ADAMTS4: variants seen among roughly 807,000 people sequenced by gnomAD.
The protein encoded by ADAMTS4 is ADAM metallopeptidase with thrombospondin type 1 motif 4.
Under a neutral mutation model 66.7 loss-of-function variants are expected in ADAMTS4, and 38 were observed. The ratio of observed to expected loss-of-function variants is 0.57; its 90% confidence interval spans 0.44 to 0.75. ADAMTS4 has a LOEUF of 0.75. Among genes scored for constraint, ADAMTS4 ranks in the 30% least tolerant of loss-of-function variants. ADAMTS4 has a pLI of 0.00. For missense variants in ADAMTS4, 1,014 were observed against 1,116.7 expected (o/e 0.91, Z 1.31); for synonymous variants, 418 against 461.5 (o/e 0.91, Z 1.21).
In ADAMTS4 at chr1:161,186,552, A is replaced by C. The variant is rs1427594660; in HGVS notation, c.*4586T>G. ...GCGAAGGGCTTTCTCTTAAAATAAC[A>C]GGCAGAAAAGTGATTTAAAAGTGAA... On this transcript the variant is annotated 3_prime_UTR_variant, in exon 9 of 9. Transcript: ENST00000367996. 1 of 151,758 alleles carries C rather than the reference A, an allele frequency of 6.6e-6. No homozygotes were observed. The highest frequency in any genetic ancestry group is 1.5e-5 in the Non-Finnish European group (1 of 67,910). 9.4% of individuals were successfully genotyped at this position (151,758 alleles called of 1,614,324 possible).
rs898632745 is a variant in ADAMTS4, at chr1:161,192,136, A to T, written c.2016T>A (p.Phe672Leu). ...CDRIIGSKKK[F>L]DKCMVCGGDG... ...CCCCTCCGCACACCATGCACTTGTC[A>T]AACTTCTTCTTGGAGCCAATGATGC... Residue 672 changes from phenylalanine (F) to leucine (L), a missense_variant, in exon 8 of 9, where the codon TTT becomes TTA. Coordinates refer to ENST00000367996, the MANE Select transcript of ADAMTS4 (RefSeq NM_005099.6). 5 of 1,614,012 alleles carry T rather than the reference A, an allele frequency of 3.1e-6. No homozygotes were observed. The African/African-American group carries it at 6.7e-5, about 22-fold the overall frequency.
intron 3 of ADAMTS4, 165 bp from the exon 4 acceptor site, chr1:161,195,800 C>T: frequency 3.1e-6 from 2 of 650,506 alleles, no homozygotes; most frequent in South Asian, 2.3e-5. Flanking sequence ...AGTATGTAGC[C>T]CCGTCTCTTT....
chr1:161,193,203 T>G lies in ADAMTS4; in HGVS notation c.1911+10A>C. 5.0e-6 allele frequency: 8 copies of G among 1,610,024 alleles called. No homozygotes were observed. Among genetic ancestry groups the G allele is most frequent in the Non-Finnish European group, 6.8e-6 (8 of 1,177,838 alleles). On this transcript the variant is annotated intron_variant, in intron 7 of 8. Transcript: ENST00000367996. The surrounding 1 kb of genome is among the most constrained non-coding windows in gnomAD (Gnocchi z 4.4). ...CCATAGACAGGGCCTGGGGGTGTCC[T>G]GACCCTCACCCGTGGCTCCAGCACA...
chr1:161,187,213 C>G lies in ADAMTS4; in HGVS notation c.*3925G>C, dbSNP rs1664560056. On this transcript the variant is annotated 3_prime_UTR_variant, in exon 9 of 9. Transcript: ENST00000367996. ...GAGTGGGAGCAGTATACAACCTCCC[C>G]TGCCCAGAATGCAGTGTGAACCCCT... 6.6e-6 allele frequency: 1 copy of G among 152,202 alleles called. No homozygotes were observed. The highest frequency in any genetic ancestry group is 6.5e-5 in the Admixed American group (1 of 15,274). 9.4% of individuals were successfully genotyped at this position (152,202 alleles called of 1,614,324 possible). A position where few individuals can be genotyped will look rare whatever the true frequency, so the allele number is the denominator to read the frequency against.
chr1:161,198,109 A>C lies in ADAMTS4; in HGVS notation c.519T>G (p.Ala173=), dbSNP rs1403760668. 1 of 1,613,844 alleles carries C rather than the reference A, an allele frequency of 6.2e-7. No homozygotes were observed. Residue 173 remains alanine, a synonymous_variant, in exon 1 of 9, where the codon GCT becomes GCG. Coordinates refer to ENST00000367996, the MANE Select transcript of ADAMTS4 (RefSeq NM_005099.6). The surrounding 1 kb of genome is among the most constrained non-coding windows in gnomAD (Gnocchi z 4.7). ...GTAGGATGTGAGCCCCAGGTCCCCC[A>C]GCAGAGTTAGGGGTGCCTCCCTCCA... ...QPLEGGTPNS[A]GGPGAHILRR...
At position 161,191,419 on chromosome 1, in the gene ADAMTS4, T is replaced by A; in HGVS notation, c.2233A>T (p.Met745Leu). 1 of 1,614,128 alleles carries A rather than the reference T, an allele frequency of 6.2e-7. No individual in the cohort carries two copies. Among genetic ancestry groups the A allele is most frequent in the Non-Finnish European group, 8.5e-7 (1 of 1,180,028 alleles). ...AGTACCACATCTGTGGGGGAGGGCA[T>A]CAGCGTGTATTCACCATTGAGGGCA... ...SYALNGEYTL[M>L]PSPTDVVLPG... is the part of the protein sequence containing the mutation. Residue 745 changes from methionine to leucine, a missense_variant, in exon 9 of 9, where the codon ATG (methionine) becomes TTG (leucine). Transcript: ENST00000367996.
chr1:161,194,134 T>C lies in ADAMTS4; in HGVS notation c.1349A>G (p.Gln450Arg). ...GKDYDADRQC[Q>R]LTFGPDSRHC... ...GCGTGAGTCGGGCCCGAAGGTCAGC[T>C]GGCACTGGCGGTCAGCATCATAGTC... Residue 450 changes from glutamine (Q) to arginine (R), a missense_variant, in exon 5 of 9, where the codon CAG (glutamine) becomes CGG (arginine). Gln to Arg is a conservative substitution (Grantham distance 43). Coordinates refer to ENST00000367996, the MANE Select transcript of ADAMTS4 (RefSeq NM_005099.6). The surrounding 1 kb of genome is among the most constrained non-coding windows in gnomAD (Gnocchi z 4.1). 1 of 1,614,200 alleles carries C rather than the reference T, an allele frequency of 6.2e-7. No individual in the cohort carries two copies. Among genetic ancestry groups the C allele is most frequent in the Non-Finnish European group, 8.5e-7 (1 of 1,180,016 alleles).
chr1:161,198,687 C>A lies in ADAMTS4; in HGVS notation c.-60G>T. The A allele has an allele frequency of 7.1e-7, 1 of 1,412,476 alleles. No individual in the cohort carries two copies. Among genetic ancestry groups the A allele is most frequent in the Non-Finnish European group, 9.3e-7 (1 of 1,070,484 alleles). 87.5% of individuals were successfully genotyped at this position (1,412,476 alleles called of 1,614,324 possible). ...GTCTAGGGCACCAAGTCCTCCACAC[C>A]CTAGCTTTGGAAAGCTCCTCTCTGT... On this transcript the variant is annotated 5_prime_UTR_variant, in exon 1 of 9. Coordinates refer to ENST00000367996, the MANE Select transcript of ADAMTS4 (RefSeq NM_005099.6). This position sits in a 1 kb window ranked among gnomAD's most constrained non-coding sequence, Gnocchi z 4.7.
Position 161,193,365 on chromosome 1 carries a change from A to G in ADAMTS4, c.1759T>C (p.Cys587Arg), listed in dbSNP as rs1664728154. The change falls in exon 7 of 9, where the codon TGT (cysteine) becomes CGT (arginine). Residue 587 changes from cysteine to arginine, a missense_variant. By Grantham distance (180) the Cys-to-Arg change is radical. Transcript: ENST00000367996. The surrounding 1 kb of genome is among the most constrained non-coding windows in gnomAD (Gnocchi z 4.4). The part of the protein sequence containing the change: ...GSALTFREEQ[C>R]AAYNHRTDLF... ...TCGGTGCGGTGGTTGTAGGCAGCAC[A>G]CTGCTCCTCGCGGAAGGTCAGGGCT... 2 of 1,613,790 alleles carry G rather than the reference A, an allele frequency of 1.2e-6. No homozygotes were observed. The highest frequency in any genetic ancestry group is 1.7e-6 in the Non-Finnish European group (2 of 1,179,880).
chr1:161,195,840 AG>A (rs994532760), intron 3 of ADAMTS4: 18 of 590,302 alleles, frequency 3.0e-5, no homozygotes, highest in South Asian at 9.6e-5. Context: ...AAATATACTC[AG>A]GGTCCCTCCC....
Position 161,198,723 on chromosome 1 carries a change from C to A in ADAMTS4, c.-96G>T. The stretch of plus-strand genomic sequence containing the variant: ...AAAGCTCCTCTCTGTAGCCTGGGGG[C>A]TTGGACTCCTGCCAAGGTCAGAGGC... On this transcript the variant is annotated 5_prime_UTR_variant, in exon 1 of 9. Coordinates refer to ENST00000367996, the MANE Select transcript of ADAMTS4 (RefSeq NM_005099.6). This position sits in a 1 kb window ranked among gnomAD's most constrained non-coding sequence, Gnocchi z 4.7. The A allele has an allele frequency of 8.3e-7, 1 of 1,209,482 alleles. No individual in the cohort carries two copies. Among genetic ancestry groups the A allele is most frequent in the East Asian group, 2.6e-5 (1 of 38,708 alleles). 74.9% of individuals were successfully genotyped at this position (1,209,482 alleles called of 1,614,324 possible).
intron 3 of ADAMTS4, 108 bp downstream of exon 3, chr1:161,196,063 G>T: frequency 1.5e-6 from 2 of 1,372,508 alleles, no homozygotes; most frequent in Non-Finnish European, 2.0e-6. Context: ...CCTATACCTA[G>T]GCCTGGGGGA....
In ADAMTS4 at chr1:161,198,608, T is replaced by G; in HGVS notation, c.20A>C (p.His7Pro). 6.5e-7 allele frequency: 1 copy of G among 1,531,812 alleles called. No individual in the cohort carries two copies. The highest frequency in any genetic ancestry group is 8.8e-7 in the Non-Finnish European group (1 of 1,136,710). 94.9% of individuals were successfully genotyped at this position (1,531,812 alleles called of 1,614,324 possible). The change falls in exon 1 of 9, where the codon CAT becomes CCT. Residue 7 changes from histidine (H) to proline (P), a missense_variant. His to Pro is a moderately conservative substitution (Grantham distance 77). Transcript: ENST00000367996. The surrounding 1 kb of genome is among the most constrained non-coding windows in gnomAD (Gnocchi z 4.7). The part of the protein sequence containing the change: MSQTGS[H>P]PGRGLAGRWL... ...GCGCCCTGCCAAGCCCCTCCCGGGA[T>G]GCGAGCCTGTCTGGGACATGGCACT...
rs1011289310 is a variant in ADAMTS4, at chr1:161,188,610, C to T, written c.*2528G>A. 2 of 151,774 alleles carry T rather than the reference C, an allele frequency of 1.3e-5. No individual in the cohort carries two copies. Among genetic ancestry groups the T allele is most frequent in the Non-Finnish European group, 2.9e-5 (2 of 67,972 alleles). The allele number at this position is 151,774 out of a possible 1,614,324, so 9.4% of individuals were successfully genotyped here. ...GTTTTATTCCCTCCCTCTCCTCAGG[C>T]ATCAGGTATTCTGCCATTTTGAGGC... On this transcript the variant is annotated 3_prime_UTR_variant, in exon 9 of 9. Transcript: ENST00000367996.
chr1:161,195,630 C>T lies in ADAMTS4; in HGVS notation c.1096G>A (p.Val366Ile). ...AFTAAHELGH[V>I]FNMLHDNSKP... The stretch of plus-strand genomic sequence containing the variant: ...GAGTTGTCATGGAGCATGTTGAAGA[C>T]ATGACCTGTGGGAGCAAAGGCCCTG... The change falls in exon 4 of 9, where the codon GTC becomes ATC. Residue 366 changes from valine to isoleucine, a missense_variant. By Grantham distance (29) the Val-to-Ile change is conservative. Transcript: ENST00000367996. The T allele has an allele frequency of 6.2e-7, 1 of 1,610,938 alleles. No individual in the cohort carries two copies. Among genetic ancestry groups the T allele is most frequent in the Non-Finnish European group, 8.5e-7 (1 of 1,178,396 alleles).
intron 7 of ADAMTS4, among the ~76,000 whole-genome samples, chr1:161,192,488 T>C (rs1442636894): frequency 6.6e-6 from 1 of 151,972 alleles, no homozygotes; most frequent in Non-Finnish European, 1.5e-5. Flanking sequence ...ATGCTAAGTG[T>C]TTTATAAACA....
rs1023529985 is a variant in ADAMTS4, at chr1:161,193,456, C to G, written c.1736-68G>C. On this transcript the variant is annotated intron_variant, in intron 6 of 8. Transcript: ENST00000367996. This position sits in a 1 kb window ranked among gnomAD's most constrained non-coding sequence, Gnocchi z 4.4. Reference sequence around the variant, plus strand: ...ATCACCCCACATCCCTCCACCCAACCCCTGAGAACTCTAGACAGCACAGCT... The same window carrying G: ...ATCACCCCACATCCCTCCACCCAACGCCTGAGAACTCTAGACAGCACAGCT... 1.3e-6 allele frequency: 2 copies of G among 1,571,194 alleles called. No homozygotes were observed. Among genetic ancestry groups the G allele is most frequent in the African/African-American group, 2.7e-5 (2 of 74,220 alleles).
chr1:161,189,734 C>T lies in ADAMTS4; in HGVS notation c.*1404G>A, dbSNP rs1395722346. 6.6e-6 allele frequency: 1 copy of T among 152,140 alleles called. No individual in the cohort carries two copies. The highest frequency in any genetic ancestry group is 1.5e-5 in the Non-Finnish European group (1 of 68,038). The allele number at this position is 152,140 out of a possible 1,614,324, so 9.4% of individuals were successfully genotyped here. On this transcript the variant is annotated 3_prime_UTR_variant, in exon 9 of 9. Coordinates refer to ENST00000367996, the MANE Select transcript of ADAMTS4 (RefSeq NM_005099.6). ...GTAACAGCAGCTGCTATTTGTTGAG[C>T]ACTTACTAGATGCTGAGTGTTATGC...
Position 161,196,728 on chromosome 1 carries a change from G to T in ADAMTS4, c.786C>A (p.Val262=). Residue 262 remains valine, a synonymous_variant, in exon 2 of 9, where the codon GTC becomes GTA. Coordinates refer to ENST00000367996, the MANE Select transcript of ADAMTS4 (RefSeq NM_005099.6). ...TCACTAGCCGAGTCACCACCAAGCT[G>T]ACAGGATTGCGGATGCTTGGGTGCT... is the stretch of plus-strand genomic sequence containing the variant. The part of the protein sequence containing the change: ...AFKHPSIRNP[V]SLVVTRLVIL... 6.2e-7 allele frequency: 1 copy of T among 1,613,866 alleles called. No individual in the cohort carries two copies. Among genetic ancestry groups the T allele is most frequent in the Non-Finnish European group, 8.5e-7 (1 of 1,180,028 alleles).
Sources: allele counts gnomAD v4.1 joint callset (sites outside exome capture counted in the v4.1 genomes callset), GRCh38; gene constraint gnomAD v4.1.1; non-coding constraint Gnocchi (gnomAD v3.1); transcripts MANE v1.5; gene names NCBI Gene and HGNC (gene_info 2026-07-23, HGNC 2026-07-21).